Variants in SLC4A4 observed in about 807,000 individuals in gnomAD.
The protein encoded by SLC4A4 is electrogenic sodium bicarbonate cotransporter 1.
SLC4A4 carries 27 observed loss-of-function variants against 111.5 expected under a neutral mutation model. The observed-to-expected ratio is 0.24, with a 90% CI of 0.18 to 0.33. The LOEUF (loss-of-function observed/expected upper bound fraction) is 0.33, where lower values mean the gene tolerates loss of function less well. Among genes scored for constraint, SLC4A4 ranks in the 10% least tolerant of loss-of-function variants. The pLI, the probability that SLC4A4 is intolerant of heterozygous loss-of-function variation, is 1.00. For missense variants in SLC4A4, 909 were observed against 1,315.5 expected (o/e 0.69, Z 4.78); for synonymous variants, 443 against 463.4 (o/e 0.96, Z 0.57).
rs528978200 is a variant in SLC4A4 at position 71,533,161 on chromosome 4, A to T, written c.2280+986A>T. ...GGAAGGGATATATATGTTATAACAC[A>T]CATTATTTTTTGAATTGTCTCTGCT... On this transcript the variant is annotated intron_variant, in intron 17 of 25. Coordinates refer to ENST00000264485, the MANE Select transcript of SLC4A4 (RefSeq NM_001098484.3). Among the ~76,000 whole-genome samples the T allele has an allele frequency of 2.0e-5, 3 of 152,278 alleles. No individual in the cohort carries two copies. The East Asian group carries it at 5.8e-4, about 29-fold the overall frequency.
chr4:71,453,435 T>G, intron 11 of SLC4A4, 60 bp from the exon 12 acceptor site: 1 of 1,493,932 alleles, frequency 6.7e-7, no homozygotes, highest in South Asian at 1.1e-5. Flanking sequence ...AGTTACCTCT[T>G]GATTAATTTG....
At chr4:71,204,939 T>G (rs1352587524) in intron 1 of SLC4A4, among the ~76,000 whole-genome samples, 1 of 152,162 alleles carries the variant, frequency 6.6e-6, no homozygotes, top group Non-Finnish European at 1.5e-5. Flanking sequence ...TGGCTAACAC[T>G]GGGGTTAACA....
At chr4:71,525,956 C>A (rs191841120) in intron 16 of SLC4A4, among the ~76,000 whole-genome samples, 96 of 151,884 alleles carry the variant, frequency 6.3e-4, no homozygotes, top group Non-Finnish European at 1.5e-4. Context: ...CCAAAGAGAG[C>A]AGTTCTTATC....
At chr4:71,497,121 A>G (rs1358879927) in intron 15 of SLC4A4, among the ~76,000 whole-genome samples, 4 of 152,224 alleles carry the variant, frequency 2.6e-5, no homozygotes, top group Admixed American at 2.6e-4. Flanking sequence ...AAAGGTAAGT[A>G]CTTTTTGAAA....
At chr4:71,384,888 G>A (rs1444013231) in intron 6 of SLC4A4, among the ~76,000 whole-genome samples, 1 of 151,576 alleles carries the variant, frequency 6.6e-6, no homozygotes, top group Non-Finnish European at 1.5e-5. Flanking sequence ...GGGAGTAGGG[G>A]GTTAGGGGAG....
At chr4:71,195,025 A>G (rs1210862433) in intron 1 of SLC4A4, among the ~76,000 whole-genome samples, 1 of 152,140 alleles carries the variant, frequency 6.6e-6, no homozygotes, top group Admixed American at 6.5e-5. Context: ...GTTTGGAGGC[A>G]TATCATTTTT....
chr4:71,407,202 C>T (rs1053530947), intron 7 of SLC4A4, among the ~76,000 whole-genome samples: 1 of 151,994 alleles, frequency 6.6e-6, no homozygotes, highest in Non-Finnish European at 1.5e-5. Flanking sequence ...AAACATCATG[C>T]TGAATAGGCT....
chr4:71,307,754 G>GAAACA (rs756625679), intron 3 of SLC4A4, among the ~76,000 whole-genome samples: 30 of 152,190 alleles, frequency 2.0e-4, no homozygotes, highest in Non-Finnish European at 3.1e-4. Flanking sequence ...GTACACCTTT[G>GAAACA]AAACAAGGTT....
chr4:71,544,574 A>G (rs1204569676), intron 18 of SLC4A4, among the ~76,000 whole-genome samples: 2 of 152,054 alleles, frequency 1.3e-5, no homozygotes, highest in East Asian at 1.9e-4. Context: ...ACCGCTTCTT[A>G]CCATCTTCAC....
chr4:71,315,032 G>A (rs34906266), intron 3 of SLC4A4, among the ~76,000 whole-genome samples: 1 of 152,138 alleles, frequency 6.6e-6, no homozygotes, highest in Non-Finnish European at 1.5e-5. Flanking sequence ...TGCTGTTGAA[G>A]GGAGATTGGA....
At chr4:71,157,446 A>G (rs545523128) in intron 2 of SLC4A4, among the ~76,000 whole-genome samples, 4 of 152,178 alleles carry the variant, frequency 2.6e-5, no homozygotes, top group Non-Finnish European at 5.9e-5. Context: ...TCATTAAAAT[A>G]TATATTTCTG....
intron 7 of SLC4A4, among the ~76,000 whole-genome samples, chr4:71,424,088 C>T (rs1332838663): frequency 6.6e-6 from 1 of 152,084 alleles, no homozygotes; most frequent in Non-Finnish European, 1.5e-5. Context: ...TCGCAACCTA[C>T]TCTTCTGACA....
intron 7 of SLC4A4, among the ~76,000 whole-genome samples, chr4:71,424,876 A>G (rs1722965363): frequency 6.6e-6 from 1 of 151,952 alleles, no homozygotes; most frequent in African/African-American, 2.4e-5. Context: ...GCATTGGGAG[A>G]TATACCTAAT....
chr4:71,240,461 G>C (rs557100168), intron 2 of SLC4A4, among the ~76,000 whole-genome samples: 10 of 152,232 alleles, frequency 6.6e-5, no homozygotes, highest in African/African-American at 2.4e-4. Context: ...CATTTTTGAG[G>C]CTTGGTCAGT....
At chr4:71,339,269 A>T (rs758318984) in intron 3 of SLC4A4, 101 bp from the exon 4 acceptor site, 1 of 1,614,188 alleles carries the variant, frequency 6.2e-7, no homozygotes. Flanking sequence ...AAAATGTGGA[A>T]GGGAAGCCCA....
chr4:71,542,243 A>G (rs1478228410), intron 18 of SLC4A4, among the ~76,000 whole-genome samples: 2 of 152,022 alleles, frequency 1.3e-5, no homozygotes, highest in Admixed American at 6.6e-5. Context: ...TTTATCTTTG[A>G]CCTTGTTCTC....
intron 2 of SLC4A4, among the ~76,000 whole-genome samples, chr4:71,150,522 A>G (rs1009462581): frequency 6.6e-6 from 1 of 152,174 alleles, no homozygotes; most frequent in Non-Finnish European, 1.5e-5. Context: ...TGAAGACTCA[A>G]CTAAATGCGT....
At chr4:71,563,229 A>C (rs888104090) in intron 23 of SLC4A4, among the ~76,000 whole-genome samples, 4 of 151,834 alleles carry the variant, frequency 2.6e-5, no homozygotes, top group African/African-American at 9.7e-5. Flanking sequence ...TCTTTGGCAC[A>C]AGCTAATTGA....
At chr4:71,541,266 T>A (rs138064296) in intron 18 of SLC4A4, among the ~76,000 whole-genome samples, 19 of 152,230 alleles carry the variant, frequency 1.2e-4, no homozygotes, top group African/African-American at 4.6e-4. Flanking sequence ...ATTTCGATTT[T>A]TAAAAAAGAT....
Sources: allele counts gnomAD v4.1 joint callset (sites outside exome capture counted in the v4.1 genomes callset), GRCh38; gene constraint gnomAD v4.1.1; transcripts MANE v1.5; gene names NCBI Gene and HGNC (gene_info 2026-07-23, HGNC 2026-07-21).